Variants in TMEM71 observed in about 807,000 individuals in gnomAD.
TMEM71 encodes the protein transmembrane protein 71.
TMEM71 carries 44 observed loss-of-function variants against 38.0 expected under a neutral mutation model. That is an observed-to-expected ratio of 1.16 (90% CI 0.91 to 1.49). The LOEUF is 1.49. Among genes scored for constraint, TMEM71 ranks in the 40% most tolerant of loss-of-function variants. The pLI is 0.00. For missense variants in TMEM71, 367 were observed against 348.6 expected (o/e 1.05, Z -0.42); for synonymous variants, 133 against 122.5 (o/e 1.09, Z -0.56).
chr8:132,743,829 C>T (rs1256546150), intron 5 of TMEM71, among the ~76,000 whole-genome samples: 2 of 152,138 alleles, frequency 1.3e-5, no homozygotes, highest in African/African-American at 4.8e-5. Flanking sequence ...GCTATCTTCC[C>T]CCACCAAGCA....
chr8:132,738,863 C>T (rs1435867646), intron 5 of TMEM71, among the ~76,000 whole-genome samples: 1 of 63,660 alleles, frequency 1.6e-5, no homozygotes, highest in Admixed American at 1.2e-4. Context: ...TACATGCACA[C>T]ACACACACAC....
chr8:132,723,163 G>C (rs1037917485), intron 6 of TMEM71, among the ~76,000 whole-genome samples: 2 of 152,214 alleles, frequency 1.3e-5, no homozygotes, highest in African/African-American at 4.8e-5. Flanking sequence ...TATCACAGTA[G>C]TAAATTATGT....
At chr8:132,744,591 A>C (rs1319557209) in intron 5 of TMEM71, among the ~76,000 whole-genome samples, 1 of 152,244 alleles carries the variant, frequency 6.6e-6, no homozygotes, top group Admixed American at 6.5e-5. Context: ...CAATATCACA[A>C]AAATGGCCAT....
intron 6 of TMEM71, among the ~76,000 whole-genome samples, chr8:132,724,351 C>T (rs185255921): frequency 2.6e-5 from 4 of 152,188 alleles, no homozygotes; most frequent in African/African-American, 7.2e-5. Context: ...CCAGAGCAGC[C>T]GTTTATAGAC....
At chr8:132,761,805 G>T (rs1829302035), upstream of TMEM71, among the ~76,000 whole-genome samples, 1 of 152,212 alleles carries the variant, frequency 6.6e-6, no homozygotes, top group Admixed American at 6.5e-5. Context: ...GAAGCAAGCT[G>T]CCATGGTGGA....
At chr8:132,707,216 T>C (rs1258917554), downstream of TMEM71, among the ~76,000 whole-genome samples, 1 of 152,114 alleles carries the variant, frequency 6.6e-6, no homozygotes, top group East Asian at 1.9e-4. Context: ...AGAAACGTAA[T>C]TGGTAATAAA....
intron 5 of TMEM71, among the ~76,000 whole-genome samples, chr8:132,734,460 G>A (rs550993418): frequency 1.3e-5 from 2 of 152,280 alleles, no homozygotes; most frequent in Admixed American, 1.3e-4. Flanking sequence ...TACAATCTGG[G>A]TAGATGTGGA....
At chr8:132,724,501 C>T (rs1372654869) in intron 6 of TMEM71, among the ~76,000 whole-genome samples, 9 of 152,066 alleles carry the variant, frequency 5.9e-5, no homozygotes, top group East Asian at 1.9e-4. Context: ...TGTTTTTGCC[C>T]GACCCCGCAG....
At chr8:132,775,337 G>A in the TMEM71 span, 11 of 348,554 alleles carry the variant, frequency 3.2e-5, no homozygotes, top group Admixed American at 4.8e-5. Flanking sequence ...GGCCAGGCCC[G>A]CTTCCGGCAC....
intron 9 of TMEM71, 104 bp downstream of exon 9, chr8:132,713,891 A>G: frequency 9.2e-7 from 1 of 1,091,754 alleles, no homozygotes; most frequent in African/African-American, 1.6e-5. Flanking sequence ...AATGATCAGG[A>G]TGTTTCCTGT....
chr8:132,737,919 C>T (rs1827835559), intron 5 of TMEM71, among the ~76,000 whole-genome samples: 1 of 152,212 alleles, frequency 6.6e-6, no homozygotes, highest in Admixed American at 6.5e-5. Flanking sequence ...CCTGAACCCC[C>T]TTCTTATGTT....
chr8:132,718,398 C>CTT (rs36014367), intron 7 of TMEM71, among the ~76,000 whole-genome samples: 34,940 of 128,366 alleles, frequency 0.27, 6,223 homozygotes, highest in African/African-American at 0.49. Flanking sequence ...GGGATTTTCT[C>CTT]TTTTTTTTTT....
At chr8:132,757,053 A>AT (rs11345876) in intron 3 of TMEM71, among the ~76,000 whole-genome samples, 181 bp downstream of exon 3, 1,675 of 143,404 alleles carry the variant, frequency 0.012, 20 homozygotes, top group African/African-American at 0.029. Context: ...CGCAGCGCTG[A>AT]TTTTTTTTTT....
Position 132,747,079 on chromosome 8 carries a change from A to G in TMEM71, c.350T>C (p.Phe117Ser). 6.2e-7 allele frequency: 1 copy of G among 1,611,136 alleles called. No homozygotes were observed. The part of the protein sequence containing the change: ...FRKKKRICHS[F>S]SSLFNLSTSK... Reference sequence around the variant, plus strand: ...GGTACTGAGGTTGAAGAGAGAAGAAAAGGAATGGCAGATTCTCTTTTTCTT... The same window carrying G: ...GGTACTGAGGTTGAAGAGAGAAGAAGAGGAATGGCAGATTCTCTTTTTCTT... Residue 117 changes from phenylalanine to serine, a missense_variant, in exon 5 of 10, where the codon TTT becomes TCT. By Grantham distance (155) the Phe-to-Ser change is radical (BLOSUM62 -2). Transcript: ENST00000677595.
At chr8:132,725,168 G>C (rs1029621962) in intron 6 of TMEM71, among the ~76,000 whole-genome samples, 4 of 151,880 alleles carry the variant, frequency 2.6e-5, no homozygotes, top group African/African-American at 9.7e-5. Flanking sequence ...TTCCCAGCTA[G>C]CTGGAAATTC....
intron 9 of TMEM71, among the ~76,000 whole-genome samples, chr8:132,711,880 T>C (rs1439716675): frequency 1.3e-5 from 2 of 152,098 alleles, no homozygotes; most frequent in African/African-American, 4.8e-5. Flanking sequence ...TGAACTGAAT[T>C]CAGTTCCTTA....
chr8:132,718,615 C>T lies in TMEM71; in HGVS notation c.752+3425G>A, dbSNP rs545576159. 1.1e-3 allele frequency among the ~76,000 whole-genome samples: 163 copies of T among 152,054 alleles called. 1 individual carries two copies. Among genetic ancestry groups the T allele is most frequent in the Admixed American group, 3.7e-3 (56 of 15,276 alleles). On this transcript the variant is annotated intron_variant, in intron 7 of 9. Transcript: ENST00000677595. ...GGTTTCACCGTGTTAGCCAGGATGG[C>T]CTCCATCTCCTGACTTCGTGATCCA...
At chr8:132,750,241 A>G (rs1426612185) in intron 4 of TMEM71, among the ~76,000 whole-genome samples, 2 of 152,188 alleles carry the variant, frequency 1.3e-5, no homozygotes, top group African/African-American at 4.8e-5. Flanking sequence ...AAACATTTTG[A>G]AAGAAAGGTG....
At chr8:132,744,086 C>T (rs2131141530) in intron 5 of TMEM71, among the ~76,000 whole-genome samples, 1 of 152,124 alleles carries the variant, frequency 6.6e-6, no homozygotes, top group African/African-American at 2.4e-5. Flanking sequence ...TAACAAAGAG[C>T]TGAACCACAG....
Sources: gnomAD v4.1 joint callset for allele counts (sites outside exome capture counted in the v4.1 genomes callset) on GRCh38, gnomAD v4.1.1 for gene constraint, MANE v1.5 for transcripts, NCBI Gene and HGNC (gene_info 2026-07-23, HGNC 2026-07-21) for gene names.